The following GALNT18 variants were observed in gnomAD, a reference collection of about 807,000 sequenced individuals.
GALNT18 encodes GalNAc-transferase 18.
Under a neutral mutation model 69.5 loss-of-function variants are expected in GALNT18, and 44 were observed. The observed-to-expected ratio is 0.63, with a 90% CI of 0.50 to 0.81. GALNT18 has a LOEUF of 0.81. Among genes scored for constraint, GALNT18 ranks in the 40% least tolerant of loss-of-function variants. The pLI is 0.00. For synonymous variants in GALNT18, 364 were observed against 318.2 expected (o/e 1.14, Z -1.53); for missense variants, 715 against 810.0 (o/e 0.88, Z 1.42).
Position 11,583,191 on chromosome 11 carries a change from G to A in GALNT18, c.235+38168C>T, listed in dbSNP as rs979655010. 2.0e-5 allele frequency among the ~76,000 whole-genome samples: 3 copies of A among 152,174 alleles called. No individual in the cohort carries two copies. Among genetic ancestry groups the A allele is most frequent in the Non-Finnish European group, 2.9e-5 (2 of 68,036 alleles). ...AGCAGCACAGAACCAGTCTCCTGCT[G>A]AGTTATTGGTCAGGGAACACAAAGC... On this transcript the variant is annotated intron_variant, in intron 1 of 10. Coordinates refer to ENST00000227756, the MANE Select transcript of GALNT18 (RefSeq NM_198516.3). This position sits in a 1 kb window ranked among gnomAD's most constrained non-coding sequence, Gnocchi z 4.7.
At chr11:11,310,597 C>T (rs1029729923) in intron 9 of GALNT18, among the ~76,000 whole-genome samples, 8 of 152,266 alleles carry the variant, frequency 5.3e-5, no homozygotes, top group South Asian at 2.1e-4. Flanking sequence ...CACTCCCATA[C>T]GTGTTTCTGC....
intron 3 of GALNT18, among the ~76,000 whole-genome samples, chr11:11,386,912 G>A (rs965478501): frequency 6.6e-6 from 1 of 152,182 alleles, no homozygotes; most frequent in South Asian, 2.1e-4. Flanking sequence ...AGGCTCCAGA[G>A]TACCATCCCA....
chr11:11,414,411 C>T (rs1854805338), intron 3 of GALNT18, among the ~76,000 whole-genome samples: 1 of 152,222 alleles, frequency 6.6e-6, no homozygotes, highest in Admixed American at 6.5e-5. Flanking sequence ...ACCCTCCAGC[C>T]ACACTGGACT....
In GALNT18 at chr11:11,337,705, G is replaced by T. The variant is rs1010765091; in HGVS notation, c.1278+3114C>A. 6.6e-6 allele frequency among the ~76,000 whole-genome samples: 1 copy of T among 152,096 alleles called. No individual in the cohort carries two copies. Among genetic ancestry groups the T allele is most frequent in the African/African-American group, 2.4e-5 (1 of 41,424 alleles). On this transcript the variant is annotated intron_variant, in intron 7 of 10. Coordinates refer to ENST00000227756, the MANE Select transcript of GALNT18 (RefSeq NM_198516.3). This position sits in a 1 kb window ranked among gnomAD's most constrained non-coding sequence, Gnocchi z 4.9. Reference sequence around the variant, plus strand: ...AGGGGTGGTCATACAGGAAGAGGTAGAGGGTAGGGAATTCCAAGCAGGATG... The same window carrying T: ...AGGGGTGGTCATACAGGAAGAGGTATAGGGTAGGGAATTCCAAGCAGGATG...
rs1849790132 is a variant in GALNT18, at chr11:11,318,318, T to C, written c.1512+8768A>G. Among the ~76,000 whole-genome samples, 1 of 152,120 alleles carries C rather than the reference T, an allele frequency of 6.6e-6. No homozygotes were observed. Among genetic ancestry groups the C allele is most frequent in the African/African-American group, 2.4e-5 (1 of 41,422 alleles). On this transcript the variant is annotated intron_variant, in intron 9 of 10. Transcript: ENST00000227756. This position sits in a 1 kb window ranked among gnomAD's most constrained non-coding sequence, Gnocchi z 5.1. ...TAGAGTCATTGCAGATATAATTAAA[T>C]TTGCATGAGGTCACACAGAAGTAGA...
intron 1 of GALNT18, among the ~76,000 whole-genome samples, chr11:11,576,121 G>A (rs1858918477): frequency 6.6e-6 from 1 of 152,202 alleles, no homozygotes; most frequent in African/African-American, 2.4e-5. Context: ...GAAGGCAGAA[G>A]CAGCCTGGCA....
intron 1 of GALNT18, among the ~76,000 whole-genome samples, chr11:11,462,269 CTT>C (rs1170341142): frequency 7.0e-6 from 1 of 143,576 alleles, no homozygotes; most frequent in African/African-American, 2.5e-5. Flanking sequence ...GTGGCAAAGT[CTT>C]TTCTTTTTTT....
intron 8 of GALNT18, among the ~76,000 whole-genome samples, chr11:11,331,293 G>A (rs1850013071): frequency 6.6e-6 from 1 of 152,158 alleles, no homozygotes; most frequent in East Asian, 1.9e-4. Flanking sequence ...TGTCAACCAT[G>A]CCATGGGGAC....
chr11:11,580,073 G>A (rs1859038990), intron 1 of GALNT18, among the ~76,000 whole-genome samples: 1 of 152,154 alleles, frequency 6.6e-6, no homozygotes, highest in African/African-American at 2.4e-5. Context: ...AAGCAAAATG[G>A]AAATTGAGTT....
intron 1 of GALNT18, among the ~76,000 whole-genome samples, chr11:11,556,394 G>T (rs150273490): frequency 5.3e-5 from 8 of 152,262 alleles, no homozygotes; most frequent in Admixed American, 1.3e-4. Flanking sequence ...ATGTCACTGG[G>T]GTAAGTCGCC....
intron 6 of GALNT18, among the ~76,000 whole-genome samples, chr11:11,359,459 C>T (rs1327022214): frequency 1.1e-5 from 1 of 91,348 alleles, no homozygotes; most frequent in African/African-American, 4.0e-5. Context: ...TCTCTTCCTC[C>T]TCTTTGTCTC....
chr11:11,277,588 T>G (rs1044016238), intron 10 of GALNT18, among the ~76,000 whole-genome samples: 3 of 152,194 alleles, frequency 2.0e-5, no homozygotes, highest in Non-Finnish European at 4.4e-5. Flanking sequence ...TTTAATTTGA[T>G]GTTAGGGTGT....
intron 3 of GALNT18, among the ~76,000 whole-genome samples, chr11:11,394,222 G>A (rs1275012484): frequency 9.9e-5 from 15 of 152,128 alleles, no homozygotes; most frequent in Admixed American, 9.8e-4. Flanking sequence ...TGGATGAAGG[G>A]GCTTTCCTAG....
rs755661899 is a variant in GALNT18 at position 11,562,762 on chromosome 11, C to T, written c.235+58597G>A. 2.6e-5 allele frequency among the ~76,000 whole-genome samples: 4 copies of T among 152,132 alleles called. No homozygotes were observed. The highest frequency in any genetic ancestry group is 5.9e-5 in the Non-Finnish European group (4 of 68,004). On this transcript the variant is annotated intron_variant, in intron 1 of 10. Transcript: ENST00000227756. This position sits in a 1 kb window ranked among gnomAD's most constrained non-coding sequence, Gnocchi z 4.1. ...GTTCCTCCAAACACAAAGTGCTCTG[C>T]CTTCAATCCCCATTTTAATGATGCT... is the stretch of plus-strand genomic sequence containing the variant.
rs963650092 is a variant in GALNT18 at position 11,442,668 on chromosome 11, C to T, written c.428+6076G>A. 9.2e-5 allele frequency among the ~76,000 whole-genome samples: 14 copies of T among 152,202 alleles called. No individual in the cohort carries two copies. The South Asian group carries it at 2.9e-3, about 31-fold the overall frequency. The stretch of plus-strand genomic sequence containing the variant: ...CACTTTGGTGCTCACAAAGGATTAC[C>T]TCCAGCTCCAGACCCAGGGCTCTGT... On this transcript the variant is annotated intron_variant, in intron 2 of 10. Transcript: ENST00000227756.
In GALNT18 at chr11:11,543,069, G is replaced by A. The variant is rs1857963529; in HGVS notation, c.235+78290C>T. On this transcript the variant is annotated intron_variant, in intron 1 of 10. Coordinates refer to ENST00000227756, the MANE Select transcript of GALNT18 (RefSeq NM_198516.3). This position sits in a 1 kb window ranked among gnomAD's most constrained non-coding sequence, Gnocchi z 5.1. ...ATGCACCAGTGTGTCTAAAGTATTT[G>A]GGAAGGATCTGGTGCATGGAAAGTG... Among the ~76,000 whole-genome samples the A allele has an allele frequency of 6.6e-6, 1 of 152,196 alleles. No homozygotes were observed. Among genetic ancestry groups the A allele is most frequent in the African/African-American group, 2.4e-5 (1 of 41,442 alleles).
intron 3 of GALNT18, among the ~76,000 whole-genome samples, chr11:11,388,326 T>C (rs989959194): frequency 3.3e-5 from 5 of 152,134 alleles, no homozygotes; most frequent in Non-Finnish European, 7.3e-5. Flanking sequence ...AGTGCCAAAA[T>C]GGCTTATTCT....
intron 1 of GALNT18, among the ~76,000 whole-genome samples, chr11:11,456,772 T>A (rs1855934188): frequency 6.6e-6 from 1 of 152,172 alleles, no homozygotes. Context: ...TCATGCCCAG[T>A]CCTTATTGTG....
intron 9 of GALNT18, among the ~76,000 whole-genome samples, chr11:11,301,923 C>T (rs1849501379): frequency 6.6e-6 from 1 of 152,110 alleles, no homozygotes; most frequent in Admixed American, 6.5e-5. Context: ...TGCTGGGGTG[C>T]CCCAGAGCTG....
Sources: allele counts gnomAD v4.1 joint callset (sites outside exome capture counted in the v4.1 genomes callset), GRCh38; gene constraint gnomAD v4.1.1; non-coding constraint Gnocchi (gnomAD v3.1); transcripts MANE v1.5; gene names NCBI Gene and HGNC (gene_info 2026-07-23, HGNC 2026-07-21).